The following NTRK2 variants were observed in gnomAD, a reference collection of about 807,000 sequenced individuals.
NTRK2 encodes BDNF/NT-3 growth factors receptor.
Under a neutral mutation model 94.5 loss-of-function variants are expected in NTRK2, and 13 were observed. That is an observed-to-expected ratio of 0.14 (90% confidence interval 0.09 to 0.22). The LOEUF (loss-of-function observed/expected upper bound fraction) is 0.22, where lower values mean the gene tolerates loss of function less well. Among genes scored for constraint, NTRK2 ranks in the 10% least tolerant of loss-of-function variants. The pLI is 1.00. For synonymous variants in NTRK2, 372 were observed against 407.4 expected (o/e 0.91, Z 1.05); for missense variants, 639 against 1,071.2 (o/e 0.60, Z 5.63).
intron 12 of NTRK2, among the ~76,000 whole-genome samples, chr9:84,781,510 C>T (rs1336798475): frequency 2.0e-5 from 3 of 151,790 alleles, no homozygotes; most frequent in African/African-American, 7.3e-5. Flanking sequence ...TTTTGCTTCC[C>T]GTTGAAAATG....
At chr9:84,840,702 G>A (rs923241369) in intron 12 of NTRK2, among the ~76,000 whole-genome samples, 1 of 152,054 alleles carries the variant, frequency 6.6e-6, no homozygotes. Context: ...CCCCAATCTA[G>A]CGCGCTGTTC....
At chr9:84,954,972 G>A (rs1823931801) in intron 16 of NTRK2, among the ~76,000 whole-genome samples, 1 of 152,228 alleles carries the variant, frequency 6.6e-6, no homozygotes, top group Non-Finnish European at 1.5e-5. Context: ...ACCCAGCACA[G>A]TGCCAGAGCC....
rs187931413 is a variant in NTRK2, at chr9:84,837,189, G to A, written c.1397-23851G>A. 1.6e-3 allele frequency among the ~76,000 whole-genome samples: 238 copies of A among 152,088 alleles called. 1 individual carries two copies. Among genetic ancestry groups the A allele is most frequent in the African/African-American group, 5.5e-3 (230 of 41,466 alleles). On this transcript the variant is annotated intron_variant, in intron 12 of 18. Coordinates refer to ENST00000277120, the MANE Select transcript of NTRK2 (RefSeq NM_006180.6). ...GCTTCATACTAATCCTTTCAGGTAG[G>A]TGTTGTTATTCCTATTGTTATTCTT...
intron 17 of NTRK2, among the ~76,000 whole-genome samples, chr9:85,003,220 A>T (rs1398880188): frequency 6.6e-6 from 1 of 152,192 alleles, no homozygotes; most frequent in African/African-American, 2.4e-5. Flanking sequence ...GGAGGCCAGC[A>T]TGGAGGAAGC....
chr9:84,955,576 G>T, intron 17 of NTRK2, 59 bp downstream of exon 17: 1 of 1,376,952 alleles, frequency 7.3e-7, no homozygotes, highest in Non-Finnish European at 1.0e-6. Context: ...GACCCCTGCT[G>T]TATTTGTTTG....
chr9:84,839,793 G>C (rs114160624), intron 12 of NTRK2, among the ~76,000 whole-genome samples: 1 of 152,202 alleles, frequency 6.6e-6, no homozygotes, highest in Non-Finnish European at 1.5e-5. Flanking sequence ...AACAGGCAGC[G>C]TGTGAGGAGT....
At chr9:84,838,118 A>G (rs1056776010) in intron 12 of NTRK2, among the ~76,000 whole-genome samples, 4 of 152,244 alleles carry the variant, frequency 2.6e-5, no homozygotes, top group Non-Finnish European at 5.9e-5. Context: ...GATACCATAT[A>G]CAATATTTAG....
In NTRK2 at chr9:85,021,475, C is replaced by G. The variant is rs751556132; in HGVS notation, c.*38C>G. 1 of 1,600,746 alleles carries G rather than the reference C, an allele frequency of 6.2e-7. No individual in the cohort carries two copies. Among genetic ancestry groups the G allele is most frequent in the Non-Finnish European group, 8.6e-7 (1 of 1,167,980 alleles). On this transcript the variant is annotated 3_prime_UTR_variant, in exon 19 of 19. Transcript: ENST00000277120. ...CAGACCGATCCTTCCCAACGTACTCCTCAGACGGGCTGAGAGGATGAACAT... is the reference window on the plus strand; with the variant it reads ...CAGACCGATCCTTCCCAACGTACTCGTCAGACGGGCTGAGAGGATGAACAT...
At chr9:84,729,084 A>G (rs1254630403) in intron 9 of NTRK2, among the ~76,000 whole-genome samples, 2 of 152,300 alleles carry the variant, frequency 1.3e-5, no homozygotes, top group African/African-American at 2.4e-5. Flanking sequence ...CTTGGGCTGC[A>G]TGTACCTGTG....
rs78101850 is a variant in NTRK2, at chr9:84,724,231, C to T, written c.728C>T (p.Thr243Ile). 6.2e-7 allele frequency: 1 copy of T among 1,613,906 alleles called. No homozygotes were observed. Among genetic ancestry groups the T allele is most frequent in the African/African-American group, 1.3e-5 (1 of 74,906 alleles). Residue 243 changes from threonine to isoleucine, a missense_variant, in exon 8 of 19, where the codon ACA becomes ATA. Thr to Ile is a moderately conservative substitution (Grantham distance 89). This residue lies in a region of NTRK2 where 343 missense variants were observed against 571.5 expected (regional missense o/e 0.60). Coordinates refer to ENST00000277120, the MANE Select transcript of NTRK2 (RefSeq NM_006180.6). ...GNLVSKHMNETSHTQGSLRIT... is the reference protein window; with the variant it reads ...GNLVSKHMNEISHTQGSLRIT... ...CTGTTAATTCATTTGTAGAATGAAACAAGCCACACACAGGGCTCCTTAAGG... is the reference window on the plus strand; with the variant it reads ...CTGTTAATTCATTTGTAGAATGAAATAAGCCACACACAGGGCTCCTTAAGG...
intron 4 of NTRK2, among the ~76,000 whole-genome samples, chr9:84,704,292 G>A (rs1254735557): frequency 1.5e-5 from 2 of 134,182 alleles, no homozygotes; most frequent in South Asian, 2.3e-4. Context: ...GCAGTGGCTC[G>A]ATCTCGGCTC....
Position 84,680,545 on chromosome 9 carries a change from A to G in NTRK2, c.212+9585A>G, listed in dbSNP as rs78609110. On this transcript the variant is annotated intron_variant, in intron 2 of 18. Coordinates refer to ENST00000277120, the MANE Select transcript of NTRK2 (RefSeq NM_006180.6). ...AACCTCGAGCTTTTTTCTATCAGCA[A>G]TTTTCCCTCTCTCACATACCTGTAT... 5.4e-3 allele frequency among the ~76,000 whole-genome samples: 826 copies of G among 152,216 alleles called. 9 individuals carry two copies. The highest frequency in any genetic ancestry group is 0.019 in the African/African-American group (787 of 41,540).
At position 85,026,129 on chromosome 9, in the gene NTRK2, CAAA is replaced by C. The variant is rs3837243; in HGVS notation, c.*4701_*4703del. 1.4e-4 allele frequency: 28 copies of C among 197,554 alleles called. No homozygotes were observed. The highest frequency in any genetic ancestry group is 3.9e-4 in the South Asian group (2 of 5,100). The allele number at this position is 197,554 out of a possible 1,614,324, so 12.2% of individuals were successfully genotyped here. A position where few individuals can be genotyped will look rare whatever the true frequency, so the allele number is the denominator to read the frequency against. ...CATTCAGCACAAACACAAAGCAAAG[CAAA>C]AAAAAAAATATATATATATATATCT... is the stretch of plus-strand genomic sequence containing the variant. On this transcript the variant is annotated 3_prime_UTR_variant, in exon 19 of 19. Transcript: ENST00000277120.
At chr9:84,842,467 G>C (rs901693077) in intron 12 of NTRK2, among the ~76,000 whole-genome samples, 24 of 152,186 alleles carry the variant, frequency 1.6e-4, no homozygotes, top group African/African-American at 5.8e-4. Context: ...TTACTGATCT[G>C]CTTCAGGATT....
At chr9:84,999,606 A>G (rs948997593) in intron 17 of NTRK2, among the ~76,000 whole-genome samples, 40 of 152,358 alleles carry the variant, frequency 2.6e-4, no homozygotes, top group African/African-American at 8.7e-4. Context: ...CTGAGTTTTT[A>G]AAATAAGATT....
intron 14 of NTRK2, among the ~76,000 whole-genome samples, chr9:84,890,357 G>C (rs973279181): frequency 6.6e-5 from 10 of 152,194 alleles, no homozygotes; most frequent in Non-Finnish European, 1.3e-4. Context: ...GCCAGACTGG[G>C]GCTAATTGAT....
chr9:84,805,701 A>C (rs1203148596), intron 12 of NTRK2, among the ~76,000 whole-genome samples: 1 of 152,228 alleles, frequency 6.6e-6, no homozygotes, highest in Non-Finnish European at 1.5e-5. Flanking sequence ...CAGTATAGAG[A>C]GTTGAGGCCT....
chr9:84,960,865 G>C (rs112364685), intron 17 of NTRK2, among the ~76,000 whole-genome samples: 2,629 of 152,228 alleles, frequency 0.017, 38 homozygotes, highest in African/African-American at 0.038. Flanking sequence ...ACTGGCACAG[G>C]GCATGGCGCA....
chr9:84,862,492 G>A (rs936275310), intron 13 of NTRK2, among the ~76,000 whole-genome samples: 7 of 152,148 alleles, frequency 4.6e-5, no homozygotes, highest in Non-Finnish European at 1.0e-4. Flanking sequence ...GCTTGTTCCC[G>A]GAAAGCTGCA....
Sources: allele counts gnomAD v4.1 joint callset (sites outside exome capture counted in the v4.1 genomes callset), GRCh38; gene constraint gnomAD v4.1.1; regional missense constraint gnomAD v4.1.1; transcripts MANE v1.5; gene names NCBI Gene and HGNC (gene_info 2026-07-23, HGNC 2026-07-21).